The following EPHB1 variants were observed in gnomAD, a reference collection of about 807,000 sequenced individuals.
EPHB1 encodes the protein ephrin type-B receptor 1.
A neutral mutation model predicts 94.4 loss-of-function variants in EPHB1; 30 were observed. The ratio of observed to expected loss-of-function variants is 0.32; its 90% CI spans 0.24 to 0.43. The LOEUF (loss-of-function observed/expected upper bound fraction) is 0.43. Ranked by LOEUF, EPHB1 falls within the 20% of genes least tolerant of loss-of-function variation. EPHB1 has a pLI of 1.00. For missense variants in EPHB1, 1,055 were observed against 1,308.3 expected, an observed-to-expected ratio of 0.81 and a Z score of 2.99; for synonymous variants, 522 against 489.1, an observed-to-expected ratio of 1.07 and a Z score of -0.89.
At chr3:135,020,229 T>C (rs956703266) in intron 3 of EPHB1, among the ~76,000 whole-genome samples, 7 of 152,248 alleles carry the variant, frequency 4.6e-5, no homozygotes, top group African/African-American at 1.7e-4. Context: ...CCGTTGGTTA[T>C]TTGCCATTAA....
At chr3:134,882,288 G>T (rs1405252463) in intron 1 of EPHB1, among the ~76,000 whole-genome samples, 1 of 152,144 alleles carries the variant, frequency 6.6e-6, no homozygotes, top group Middle Eastern at 3.2e-3. Flanking sequence ...AAACTTGTCA[G>T]AAATTAACAA....
chr3:134,931,568 C>T (rs371593932), intron 2 of EPHB1, among the ~76,000 whole-genome samples: 57 of 152,336 alleles, frequency 3.7e-4, no homozygotes, highest in African/African-American at 8.4e-4. Context: ...GCCTGTGATA[C>T]GCTCTGTTGA....
At chr3:135,162,301 C>G in intron 7 of EPHB1, 121 bp downstream of exon 7, 3 of 1,189,458 alleles carry the variant, frequency 2.5e-6, no homozygotes, top group Non-Finnish European at 3.4e-6. Flanking sequence ...GTGGAATTCC[C>G]TTCAAACGGT....
chr3:134,999,419 G>A (rs539419630), intron 3 of EPHB1, among the ~76,000 whole-genome samples: 1 of 152,320 alleles, frequency 6.6e-6, no homozygotes, highest in Non-Finnish European at 1.5e-5. Flanking sequence ...TCAGATATGA[G>A]GAGAGAAGGG....
intron 3 of EPHB1, among the ~76,000 whole-genome samples, chr3:134,983,642 C>A (rs886695645): frequency 1.3e-5 from 2 of 152,230 alleles, no homozygotes; most frequent in Non-Finnish European, 2.9e-5. Context: ...ATCTTCCCCA[C>A]CATGCTGCCT....
At chr3:135,094,610 C>T (rs1348967956) in intron 3 of EPHB1, among the ~76,000 whole-genome samples, 1 of 152,222 alleles carries the variant, frequency 6.6e-6, no homozygotes, top group African/African-American at 2.4e-5. Context: ...GCACCTTCTC[C>T]AGCCTCAGTT....
intron 1 of EPHB1, among the ~76,000 whole-genome samples, chr3:134,820,329 A>G (rs1367391388): frequency 6.6e-6 from 1 of 152,178 alleles, no homozygotes; most frequent in Non-Finnish European, 1.5e-5. Flanking sequence ...ACCTCTCCAT[A>G]GTCTAGGCAT....
chr3:135,189,799 A>G (rs1025649051), intron 10 of EPHB1, among the ~76,000 whole-genome samples: 1 of 152,224 alleles, frequency 6.6e-6, no homozygotes, highest in South Asian at 2.1e-4. Flanking sequence ...CAAACTCCAC[A>G]CACTGATAGG....
chr3:134,795,482 C>T lies in EPHB1; in HGVS notation c.-150C>T, dbSNP rs2035802530. ...ACGCGCACACACTCCTGCCCACGCC[C>T]ACGCAGCGCTCCGGGAAGTCCGGTC... On this transcript the variant is annotated 5_prime_UTR_variant, in exon 1 of 16. Transcript: ENST00000398015. The T allele has an allele frequency of 7.0e-6, 5 of 718,828 alleles. No homozygotes were observed. Among genetic ancestry groups the T allele is most frequent in the Non-Finnish European group, 1.1e-5 (5 of 451,160 alleles). 44.5% of individuals were successfully genotyped at this position (718,828 alleles called of 1,614,324 possible).
chr3:135,115,609 G>C (rs995973226), intron 4 of EPHB1, among the ~76,000 whole-genome samples: 35 of 152,106 alleles, frequency 2.3e-4, no homozygotes, highest in African/African-American at 8.2e-4. Context: ...TGACCTTACA[G>C]AGCAGGTGTG....
chr3:135,029,969 T>TCATTTCATC (rs1396139593), intron 3 of EPHB1, among the ~76,000 whole-genome samples: 1 of 151,364 alleles, frequency 6.6e-6, no homozygotes, highest in Non-Finnish European at 1.5e-5. Context: ...TTCATTTCAT[T>TCATTTCATC]CATTTCATCT....
chr3:135,163,240 AG>A (rs1251163609), intron 7 of EPHB1, among the ~76,000 whole-genome samples: 1 of 152,226 alleles, frequency 6.6e-6, no homozygotes, highest in Non-Finnish European at 1.5e-5. Context: ...TATACAAATC[AG>A]GATGTTGATG....
chr3:135,010,784 G>A lies in EPHB1; in HGVS notation c.805+58732G>A, dbSNP rs563708690. 9.2e-5 allele frequency among the ~76,000 whole-genome samples: 14 copies of A among 151,920 alleles called. No individual in the cohort carries two copies. In the East Asian group the frequency reaches 1.7e-3, roughly 19 times the overall value. The stretch of plus-strand genomic sequence containing the variant: ...TCACCATCTTGGCCAGGCTGGTCTC[G>A]AACTCCGGACCTCGTGATCCACCTA... On this transcript the variant is annotated intron_variant, in intron 3 of 15. Transcript: ENST00000398015.
chr3:135,145,783 A>G (rs1940989893), intron 5 of EPHB1, among the ~76,000 whole-genome samples: 1 of 152,028 alleles, frequency 6.6e-6, no homozygotes, highest in Non-Finnish European at 1.5e-5. Flanking sequence ...TCTTTGTGAG[A>G]TGCAGTCTCA....
At chr3:134,940,924 T>A (rs1456026695) in intron 2 of EPHB1, among the ~76,000 whole-genome samples, 1 of 152,218 alleles carries the variant, frequency 6.6e-6, no homozygotes, top group East Asian at 1.9e-4. Context: ...ATGAGATAAA[T>A]GAGCTGGGTT....
At chr3:134,967,976 C>A (rs1428692248) in intron 3 of EPHB1, among the ~76,000 whole-genome samples, 1 of 152,216 alleles carries the variant, frequency 6.6e-6, no homozygotes, top group Non-Finnish European at 1.5e-5. Context: ...TGCAGTCTAT[C>A]TTGGCCCTGT....
rs1576389121 is a variant in EPHB1, at chr3:135,106,600, A to G, written c.958A>G (p.Thr320Ala). 1.2e-6 allele frequency: 2 copies of G among 1,614,008 alleles called. No individual in the cohort carries two copies. Among genetic ancestry groups the G allele is most frequent in the Non-Finnish European group, 8.5e-7 (1 of 1,179,886 alleles). ...ADFDPPEVACTSVPSGPRNVI... is the reference protein window; with the variant it reads ...ADFDPPEVACASVPSGPRNVI... ...CTTTGACCCTCCAGAAGTGGCATGCACTAGTAAGTGTCTAGTAATGGCTCT... is the reference window on the plus strand; with the variant it reads ...CTTTGACCCTCCAGAAGTGGCATGCGCTAGTAAGTGTCTAGTAATGGCTCT... The change falls in exon 4 of 16, where the codon ACT becomes GCT. Residue 320 changes from threonine (T) to alanine (A), a missense_variant. By Grantham distance (58) the Thr-to-Ala change is moderately conservative. Coordinates refer to ENST00000398015, the MANE Select transcript of EPHB1 (RefSeq NM_004441.5).
At chr3:134,953,797 G>A (rs1705161534) in intron 3 of EPHB1, among the ~76,000 whole-genome samples, 1 of 152,172 alleles carries the variant, frequency 6.6e-6, no homozygotes, top group Non-Finnish European at 1.5e-5. Context: ...GGGCTAATTG[G>A]AACTTTTCTT....
intron 9 of EPHB1, among the ~76,000 whole-genome samples, chr3:135,170,951 C>A (rs1172939744): frequency 6.6e-6 from 1 of 152,182 alleles, no homozygotes; most frequent in African/African-American, 2.4e-5. Flanking sequence ...TGTTGGTGAA[C>A]TTTGGGAAAA....
Sources: gnomAD v4.1 joint callset for allele counts (sites outside exome capture counted in the v4.1 genomes callset) on GRCh38, gnomAD v4.1.1 for gene constraint, MANE v1.5 for transcripts, NCBI Gene and HGNC (gene_info 2026-07-23, HGNC 2026-07-21) for gene names.